Variants in DDTL observed in about 807,000 individuals in gnomAD.
DDTL encodes putative D-dopachrome decarboxylase-like protein.
Under a neutral mutation model 1.1 loss-of-function variants are expected in DDTL, and 1 was observed. The ratio of observed to expected loss-of-function variants is 0.91; its 90% CI spans 0.32 to 4.31. The LOEUF (loss-of-function observed/expected upper bound fraction) is 4.31, where lower values mean the gene tolerates loss of function less well. DDTL is among the 30% of genes most tolerant of loss of function. DDTL has a pLI of 0.17. For missense variants in DDTL, 54 were observed against 48.9 expected (o/e 1.10, Z -0.31); for synonymous variants, 21 against 16.6 (o/e 1.26, Z -0.64).
In DDTL at chr22:23,971,424, A is replaced by T. The variant is rs1350879690; in HGVS notation, c.*18A>T. 40 of 1,612,028 alleles carry T rather than the reference A, an allele frequency of 2.5e-5. No individual in the cohort carries two copies. The highest frequency in any genetic ancestry group is 3.3e-5 in the Non-Finnish European group (39 of 1,178,802). ...TCATATGAGGATGAAGAAGAGGATT[A>T]TGTGATCACAGGAATGTTGCATGCG... On this transcript the variant is annotated 3_prime_UTR_variant, in exon 3 of 3. Coordinates refer to ENST00000215770, the MANE Select transcript of DDTL (RefSeq NM_001084393.2).
At position 23,971,589 on chromosome 22, in the gene DDTL, G is replaced by A; in HGVS notation, c.*183G>A. 1 of 1,614,110 alleles carries A rather than the reference G, an allele frequency of 6.2e-7. No individual in the cohort carries two copies. Among genetic ancestry groups the A allele is most frequent in the Non-Finnish European group, 8.5e-7 (1 of 1,180,012 alleles). On this transcript the variant is annotated 3_prime_UTR_variant, in exon 3 of 3. Coordinates refer to ENST00000215770, the MANE Select transcript of DDTL (RefSeq NM_001084393.2). ...ATGACCGTCCCTATCTTGCCAATCT[G>A]CCAGGACTCCAAGGGGAAAAAGCGG...
chr22:23,971,532 T>G lies in DDTL; in HGVS notation c.*126T>G. On this transcript the variant is annotated 3_prime_UTR_variant, in exon 3 of 3. Transcript: ENST00000215770. The stretch of plus-strand genomic sequence containing the variant: ...AGAAGCAGCCAGTTCACAGATGCCC[T>G]GGATCCCTCCGTGCCCAATCATAAA... 1 of 1,613,696 alleles carries G rather than the reference T, an allele frequency of 6.2e-7. No individual in the cohort carries two copies. Among genetic ancestry groups the G allele is most frequent in the Non-Finnish European group, 8.5e-7 (1 of 1,179,756 alleles).
intron 2 of DDTL, chr22:23,969,229 C>G: frequency 2.0e-6 from 2 of 985,516 alleles, no homozygotes; most frequent in Non-Finnish European, 2.4e-6. Flanking sequence ...CCAGGCTGTC[C>G]CAAGCTGTGG....
rs115319739 is a variant in DDTL at position 23,971,880 on chromosome 22, C to T, written c.*474C>T. 3.1e-3 allele frequency: 1,448 copies of T among 467,878 alleles called. 26 individuals carry two copies. Among genetic ancestry groups the T allele is most frequent in the African/African-American group, 0.025 (1,300 of 51,312 alleles). 29.0% of individuals were successfully genotyped at this position (467,878 alleles called of 1,614,324 possible). The stretch of plus-strand genomic sequence containing the variant: ...AATACAGTAGCCTCGGTGTGTGTGC[C>T]GTACACTCTATCATCTCCATCAGTT... On this transcript the variant is annotated 3_prime_UTR_variant, in exon 3 of 3. Coordinates refer to ENST00000215770, the MANE Select transcript of DDTL (RefSeq NM_001084393.2).
intron 2 of DDTL, chr22:23,969,307 G>GT: frequency 1.0e-6 from 1 of 985,504 alleles, no homozygotes; most frequent in African/African-American, 1.7e-5. Flanking sequence ...GACATTAGTG[G>GT]TGGGGGGGCC....
At position 23,971,347 on chromosome 22, in the gene DDTL, A is replaced by G; in HGVS notation, c.346A>G (p.Ile116Val). ...TGGTGGCCCCAGATGCCCAGGAGAG[A>G]TAATAGAAGGTAAGAAGTCATGTTT... Reference protein sequence around the residue: ...AHGGPRCPGEIIEGKKSCLNE... With the variant: ...AHGGPRCPGEVIEGKKSCLNE... The change falls in exon 3 of 3, where the codon ATA becomes GTA. Residue 116 changes from isoleucine (I) to valine (V), a missense_variant. Coordinates refer to ENST00000215770, the MANE Select transcript of DDTL (RefSeq NM_001084393.2). The G allele has an allele frequency of 2.5e-6, 4 of 1,614,148 alleles. No individual in the cohort carries two copies. Among genetic ancestry groups the G allele is most frequent in the Non-Finnish European group, 3.4e-6 (4 of 1,180,014 alleles).
rs375953203 is a variant in DDTL, at chr22:23,972,230, G to T, written c.*824G>T. Reference sequence around the variant, plus strand: ...AGCAAAGGGAGAGTGGATAGGGATTGTAAGGATCAAATGGGATCATGAGTG... The same window carrying T: ...AGCAAAGGGAGAGTGGATAGGGATTTTAAGGATCAAATGGGATCATGAGTG... On this transcript the variant is annotated 3_prime_UTR_variant, in exon 3 of 3. Coordinates refer to ENST00000215770, the MANE Select transcript of DDTL (RefSeq NM_001084393.2). The T allele has an allele frequency of 4.2e-6, 4 of 952,690 alleles. No homozygotes were observed. The highest frequency in any genetic ancestry group is 1.2e-4 in the East Asian group (1 of 8,382). The allele number at this position is 952,690 out of a possible 1,614,324, so 59.0% of individuals were successfully genotyped here.
Position 23,972,275 on chromosome 22 carries a change from C to G in DDTL, c.*869C>G. On this transcript the variant is annotated 3_prime_UTR_variant, in exon 3 of 3. Coordinates refer to ENST00000215770, the MANE Select transcript of DDTL (RefSeq NM_001084393.2). ...TGAGTGTAAAGTACCTGTAGAGGAC[C>G]TAGCACATGGTAAGTGTATAACACT... The G allele has an allele frequency of 1.1e-6, 1 of 935,078 alleles. No individual in the cohort carries two copies. The highest frequency in any genetic ancestry group is 1.8e-5 in the African/African-American group (1 of 55,416). 57.9% of individuals were successfully genotyped at this position (935,078 alleles called of 1,614,324 possible).
chr22:23,970,533 G>C (rs1396597065), intron 2 of DDTL, among the ~76,000 whole-genome samples: 1 of 152,074 alleles, frequency 6.6e-6, no homozygotes, highest in Non-Finnish European at 1.5e-5. Flanking sequence ...GTGTGTACGT[G>C]TGTGGGGATT....
In DDTL at chr22:23,972,138, T is replaced by TGA; in HGVS notation, c.*733_*734insAG. 1 of 981,226 alleles carries TGA rather than the reference T, an allele frequency of 1.0e-6. No homozygotes were observed. The highest frequency in any genetic ancestry group is 4.7e-5 in the South Asian group (1 of 21,270). 60.8% of individuals were successfully genotyped at this position (981,226 alleles called of 1,614,324 possible). ...GGGGCGGGCGGGAGTATGAACAGCC[T>TGA]GTCTTCTCATCATAAAATTGGCATA... On this transcript the variant is annotated 3_prime_UTR_variant, in exon 3 of 3. Coordinates refer to ENST00000215770, the MANE Select transcript of DDTL (RefSeq NM_001084393.2).
intron 2 of DDTL, chr22:23,969,419 C>T (rs1452486743): frequency 5.1e-6 from 5 of 985,618 alleles, no homozygotes; most frequent in Non-Finnish European, 6.0e-6. Flanking sequence ...CACAGACTGA[C>T]AGAGATGATG....
Position 23,971,586 on chromosome 22 carries a change from T to C in DDTL, c.*180T>C. On this transcript the variant is annotated 3_prime_UTR_variant, in exon 3 of 3. Coordinates refer to ENST00000215770, the MANE Select transcript of DDTL (RefSeq NM_001084393.2). ...GTCATGACCGTCCCTATCTTGCCAA[T>C]CTGCCAGGACTCCAAGGGGAAAAAG... 1 of 1,614,148 alleles carries C rather than the reference T, an allele frequency of 6.2e-7. No individual in the cohort carries two copies. Among genetic ancestry groups the C allele is most frequent in the Non-Finnish European group, 8.5e-7 (1 of 1,180,010 alleles).
At chr22:23,970,776 G>C (rs1170265750) in intron 2 of DDTL, among the ~76,000 whole-genome samples, 1 of 152,142 alleles carries the variant, frequency 6.6e-6, no homozygotes, top group African/African-American at 2.4e-5. Context: ...GAAGACACAG[G>C]AAGCCTTACC....
intron 2 of DDTL, chr22:23,969,630 G>C (rs1366373298): frequency 4.1e-6 from 4 of 985,014 alleles, no homozygotes; most frequent in Non-Finnish European, 3.6e-6. Flanking sequence ...AGACCACCCT[G>C]GGAAACAAAG....
intron 2 of DDTL, chr22:23,969,502 AC>A: frequency 2.0e-6 from 2 of 985,828 alleles, no homozygotes; most frequent in Non-Finnish European, 1.2e-6. Context: ...ATGTGCAGCC[AC>A]CATTCCACAC....
chr22:23,971,134 A>C, intron 2 of DDTL, 152 bp from the exon 3 acceptor site: 1 of 1,153,258 alleles, frequency 8.7e-7, no homozygotes, highest in Non-Finnish European at 1.2e-6. Context: ...GGGGCTGAGG[A>C]CAGGAGCCTC....
chr22:23,971,196 C>T (rs1452407028), intron 2 of DDTL, 90 bp from the exon 3 acceptor site: 1 of 1,516,564 alleles, frequency 6.6e-7, no homozygotes, highest in African/African-American at 1.4e-5. Flanking sequence ...TCACACCTTC[C>T]CACAGGCCTG....
intron 2 of DDTL, among the ~76,000 whole-genome samples, chr22:23,970,238 G>C (rs903333813): frequency 6.6e-6 from 1 of 151,196 alleles, no homozygotes; most frequent in African/African-American, 2.5e-5. Context: ...TGTGTGGTGC[G>C]TGTGTATGTG....
At chr22:23,970,332 A>G (rs2033877628) in intron 2 of DDTL, among the ~76,000 whole-genome samples, 1 of 152,028 alleles carries the variant, frequency 6.6e-6, no homozygotes, top group Non-Finnish European at 1.5e-5. Flanking sequence ...AACTGTGTAC[A>G]TGGGTGTATA....
Sources: allele counts gnomAD v4.1 joint callset (sites outside exome capture counted in the v4.1 genomes callset), GRCh38; gene constraint gnomAD v4.1.1; transcripts MANE v1.5; gene names NCBI Gene and HGNC (gene_info 2026-07-23, HGNC 2026-07-21).